MAPKAPK2: variants seen among roughly 807,000 people sequenced by gnomAD.
MAPKAPK2 encodes MAP kinase-activated protein kinase 2.
MAPKAPK2 carries 9 observed loss-of-function variants against 48.8 expected under a neutral mutation model. The observed-to-expected ratio is 0.18, with a 90% confidence interval of 0.11 to 0.32. The LOEUF (loss-of-function observed/expected upper bound fraction) is 0.32. MAPKAPK2 is among the 10% of genes least tolerant of loss of function. The pLI, the probability that MAPKAPK2 is intolerant of heterozygous loss-of-function variation, is 1.00. For missense variants in MAPKAPK2, 331 were observed against 498.3 expected (o/e 0.66, Z 3.20); for synonymous variants, 202 against 190.6 (o/e 1.06, Z -0.49).
At chr1:206,721,695 G>T (rs1202332876) in intron 1 of MAPKAPK2, among the ~76,000 whole-genome samples, 1 of 152,236 alleles carries the variant, frequency 6.6e-6, no homozygotes, top group Admixed American at 6.5e-5. Flanking sequence ...TAATGACTCA[G>T]TGAGTTTTCT....
At position 206,705,524 on chromosome 1, in the gene MAPKAPK2, A is replaced by G. The variant is rs530533645; in HGVS notation, c.279+20016A>G. ...TTGCTAATCCTGGAAGCAGAGGGGA[A>G]CAAGATTTAGCTCCCTTATCTCTCT... On this transcript the variant is annotated intron_variant, in intron 1 of 9. Transcript: ENST00000367103. 2.0e-5 allele frequency among the ~76,000 whole-genome samples: 3 copies of G among 152,308 alleles called. No homozygotes were observed. In the East Asian group the frequency reaches 5.8e-4, roughly 29 times the overall value.
At chr1:206,702,046 G>A (rs868951946) in intron 1 of MAPKAPK2, among the ~76,000 whole-genome samples, 1 of 152,124 alleles carries the variant, frequency 6.6e-6, no homozygotes, top group Non-Finnish European at 1.5e-5. Flanking sequence ...CATTTTTAAT[G>A]TGCTCCCCAA....
In MAPKAPK2 at chr1:206,732,864, T is replaced by C. The variant is rs1283381960; in HGVS notation, c.*146T>C. The C allele has an allele frequency of 2.0e-6, 2 of 1,001,434 alleles. No individual in the cohort carries two copies. The highest frequency in any genetic ancestry group is 1.6e-5 in the African/African-American group (1 of 61,310). The allele number at this position is 1,001,434 out of a possible 1,614,324, so 62.0% of individuals were successfully genotyped here. On this transcript the variant is annotated 3_prime_UTR_variant, in exon 10 of 10. Transcript: ENST00000367103. The surrounding 1 kb of genome is among the most constrained non-coding windows in gnomAD (Gnocchi z 4.4). The stretch of plus-strand genomic sequence containing the variant: ...TGGAACTGCATCAGTGACTGAATTC[T>C]GCCTTGGTTCTGGCCACCCCAGAGT...
chr1:206,685,752 C>G (rs1553425510), intron 1 of MAPKAPK2, among the ~76,000 whole-genome samples: 1 of 151,532 alleles, frequency 6.6e-6, no homozygotes, highest in African/African-American at 2.4e-5. Flanking sequence ...CCTGGGGACT[C>G]AGGGGACCCT....
In MAPKAPK2 at chr1:206,732,830, C is replaced by A; in HGVS notation, c.*112C>A. 1 of 1,265,744 alleles carries A rather than the reference C, an allele frequency of 7.9e-7. No individual in the cohort carries two copies. The highest frequency in any genetic ancestry group is 1.1e-6 in the Non-Finnish European group (1 of 912,762). The allele number at this position is 1,265,744 out of a possible 1,614,324, so 78.4% of individuals were successfully genotyped here. The stretch of plus-strand genomic sequence containing the variant: ...ATCTGCCTCCTCTCCTCCTCAGCTG[C>A]ATGGAGCCTGGAACTGCATCAGTGA... On this transcript the variant is annotated 3_prime_UTR_variant, in exon 10 of 10. Transcript: ENST00000367103. The surrounding 1 kb of genome is among the most constrained non-coding windows in gnomAD (Gnocchi z 4.4).
At chr1:206,727,870 G>C (rs944699034) in intron 1 of MAPKAPK2, among the ~76,000 whole-genome samples, 8 of 152,164 alleles carry the variant, frequency 5.3e-5, no homozygotes, top group Non-Finnish European at 1.0e-4. Flanking sequence ...TGATCTGCCT[G>C]CCTCGGCCTC....
rs373335831 is a variant in MAPKAPK2 at position 206,704,272 on chromosome 1, G to A, written c.279+18764G>A. On this transcript the variant is annotated intron_variant, in intron 1 of 9. Coordinates refer to ENST00000367103, the MANE Select transcript of MAPKAPK2 (RefSeq NM_032960.4). This position sits in a 1 kb window ranked among gnomAD's most constrained non-coding sequence, Gnocchi z 4.3. ...ACGCCTGTCTGAGTGTCTCTCACTC[G>A]TTGTTACCTGTCCATTTGTTACCTG... 3.7e-4 allele frequency among the ~76,000 whole-genome samples: 57 copies of A among 152,334 alleles called. No individual in the cohort carries two copies. In the Middle Eastern group the frequency reaches 0.01, roughly 27 times the overall value.
chr1:206,711,834 G>A (rs548523204), intron 1 of MAPKAPK2, among the ~76,000 whole-genome samples: 1 of 151,866 alleles, frequency 6.6e-6, no homozygotes, highest in African/African-American at 2.4e-5. Context: ...TGTTGCCCAG[G>A]TTGGTCTCAA....
intron 1 of MAPKAPK2, among the ~76,000 whole-genome samples, chr1:206,686,235 T>C (rs1672286278): frequency 6.6e-6 from 1 of 152,064 alleles, no homozygotes; most frequent in Non-Finnish European, 1.5e-5. Flanking sequence ...GAACAGAGTC[T>C]GTAACCCGCG....
intron 1 of MAPKAPK2, among the ~76,000 whole-genome samples, chr1:206,700,975 G>C (rs1430202779): frequency 6.6e-6 from 1 of 152,188 alleles, no homozygotes; most frequent in Non-Finnish European, 1.5e-5. Flanking sequence ...AAAGTCCTTG[G>C]GGGTGAGAGT....
rs1553428308 is a variant in MAPKAPK2 at position 206,704,446 on chromosome 1, G to A, written c.279+18938G>A. ...GACCATGTGTGATGGTTATGGTGGT[G>A]ACTTCTCACTGACTGCTGATGTGTA... On this transcript the variant is annotated intron_variant, in intron 1 of 9. Transcript: ENST00000367103. The surrounding 1 kb of genome is among the most constrained non-coding windows in gnomAD (Gnocchi z 4.3). Among the ~76,000 whole-genome samples the A allele has an allele frequency of 6.6e-6, 1 of 152,196 alleles. No homozygotes were observed. The highest frequency in any genetic ancestry group is 1.5e-5 in the Non-Finnish European group (1 of 68,034).
intron 1 of MAPKAPK2, among the ~76,000 whole-genome samples, chr1:206,693,067 C>T (rs1163585304): frequency 6.6e-5 from 10 of 152,184 alleles, no homozygotes; most frequent in Non-Finnish European, 1.3e-4. Flanking sequence ...CGTCCTCCGG[C>T]GGGGCTCCTT....
intron 1 of MAPKAPK2, 106 bp from the exon 2 acceptor site, chr1:206,728,604 T>G (rs1218860559): frequency 3.3e-4 from 369 of 1,122,668 alleles, no homozygotes; most frequent in African/African-American, 1.5e-3. Flanking sequence ...CCAGCAGGAG[T>G]GGGGGGTTTG....
intron 2 of MAPKAPK2, 66 bp from the exon 3 acceptor site, chr1:206,728,969 T>G: frequency 3.1e-6 from 5 of 1,610,734 alleles, no homozygotes; most frequent in Middle Eastern, 1.7e-4. Context: ...CTTGATTTTT[T>G]GGGGGGCAGT....
At chr1:206,719,877 A>G (rs1215517904) in intron 1 of MAPKAPK2, among the ~76,000 whole-genome samples, 1 of 152,248 alleles carries the variant, frequency 6.6e-6, no homozygotes, top group East Asian at 1.9e-4. Context: ...ATCACAGTGT[A>G]TAATTAAAAC....
Position 206,712,206 on chromosome 1 carries a change from T to TA in MAPKAPK2, c.280-16496dup, listed in dbSNP as rs1209206014. Among the ~76,000 whole-genome samples the TA allele has an allele frequency of 2.6e-5, 4 of 151,834 alleles. No individual in the cohort carries two copies. The South Asian group carries it at 8.3e-4, about 31-fold the overall frequency. On this transcript the variant is annotated intron_variant, in intron 1 of 9. Transcript: ENST00000367103. ...AGCTTTTAACAACGACAACAAATAA[T>TA]AAAAAAAAGATCTTACTGAGTCAGG... is the stretch of plus-strand genomic sequence containing the variant.
At chr1:206,716,487 G>A (rs1474342249) in intron 1 of MAPKAPK2, among the ~76,000 whole-genome samples, 12 of 152,096 alleles carry the variant, frequency 7.9e-5, no homozygotes, top group Non-Finnish European at 1.3e-4. Context: ...CTGGGTGGGG[G>A]ATGTGTGTGT....
At chr1:206,705,273 G>C (rs551361466) in intron 1 of MAPKAPK2, among the ~76,000 whole-genome samples, 23 of 152,162 alleles carry the variant, frequency 1.5e-4, no homozygotes, top group Non-Finnish European at 3.1e-4. Flanking sequence ...CCCGGCAGGT[G>C]GCTTCTATTG....
intron 1 of MAPKAPK2, among the ~76,000 whole-genome samples, chr1:206,722,243 C>A (rs1553431306): frequency 6.6e-6 from 1 of 152,010 alleles, no homozygotes; most frequent in Non-Finnish European, 1.5e-5. Flanking sequence ...ACCTATGGTC[C>A]CAGCTACTCG....
Sources: allele counts gnomAD v4.1 joint callset (sites outside exome capture counted in the v4.1 genomes callset), GRCh38; gene constraint gnomAD v4.1.1; non-coding constraint Gnocchi (gnomAD v3.1); transcripts MANE v1.5; gene names NCBI Gene and HGNC (gene_info 2026-07-23, HGNC 2026-07-21).